DLC1: variants seen among roughly 807,000 people sequenced by gnomAD.
The protein encoded by DLC1 is DLC1 Rho GTPase activating protein, also known as rho GTPase-activating protein 7.
In DLC1, 54 loss-of-function variants were observed where a neutral mutation model predicts 140.3. The ratio of observed to expected loss-of-function variants is 0.38; its 90% confidence interval spans 0.31 to 0.48. The LOEUF (loss-of-function observed/expected upper bound fraction) is 0.48. Among genes scored for constraint, DLC1 ranks in the 20% least tolerant of loss-of-function variants. DLC1 has a pLI of 0.96. For synonymous variants in DLC1, 986 were observed against 728.1 expected (o/e 1.35, Z -5.70); for missense variants, 2,536 against 1,907.0 (o/e 1.33, Z -6.14).
At chr8:13,488,553 T>C (rs531086643) in intron 2 of DLC1, among the ~76,000 whole-genome samples, 2 of 152,270 alleles carry the variant, frequency 1.3e-5, no homozygotes, top group African/African-American at 4.8e-5. Context: ...CTTTCCCTCA[T>C]TTATTCCCAC....
intron 5 of DLC1, among the ~76,000 whole-genome samples, chr8:13,137,118 C>G (rs1227336232): frequency 1.3e-5 from 2 of 152,228 alleles, no homozygotes; most frequent in South Asian, 2.1e-4. Context: ...ATCTGAGGAA[C>G]CTTTACAAGC....
intron 5 of DLC1, among the ~76,000 whole-genome samples, chr8:13,254,583 T>G (rs1283811825): frequency 6.6e-6 from 1 of 152,142 alleles, no homozygotes; most frequent in Admixed American, 6.5e-5. Context: ...CTTTGATGAC[T>G]GAAATAAAAA....
intron 5 of DLC1, chr8:13,276,198 G>T (rs1282300227): frequency 1.3e-6 from 2 of 1,521,306 alleles, no homozygotes; most frequent in African/African-American, 2.8e-5. Context: ...CTGCGTCTTC[G>T]CAGTAAATTG....
At chr8:13,488,389 G>C (rs757568724) in intron 2 of DLC1, among the ~76,000 whole-genome samples, 1 of 152,034 alleles carries the variant, frequency 6.6e-6, no homozygotes, top group African/African-American at 2.4e-5. Flanking sequence ...CTATAAATTA[G>C]CTATAAAGCC....
rs5889435 is a variant in DLC1 at position 13,332,434 on chromosome 8, C to CT, written c.1315-27133dup. On this transcript the variant is annotated intron_variant, in intron 4 of 17. Transcript: ENST00000276297. ...TCACTATTGACTGATTTTCTTTTGT[C>CT]TTTTTTTTTTTTTTAAGATGGGGTC... 7.2e-3 allele frequency among the ~76,000 whole-genome samples: 1,065 copies of CT among 147,994 alleles called. 6 individuals are homozygous for CT. The highest frequency in any genetic ancestry group is 0.013 in the African/African-American group (544 of 40,322).
rs548374370 is a variant in DLC1 at position 13,128,053 on chromosome 8, C to A, written c.1349-12396G>T. On this transcript the variant is annotated intron_variant, in intron 5 of 17. Coordinates refer to ENST00000276297, the MANE Select transcript of DLC1 (RefSeq NM_182643.3). ...AAGTCTAGTAGAACAAAAAAAAAAACCCCAAAAAAACAACAACCAAAAAAC... is the reference window on the plus strand; with the variant it reads ...AAGTCTAGTAGAACAAAAAAAAAAAACCCAAAAAAACAACAACCAAAAAAC... Among the ~76,000 whole-genome samples the A allele has an allele frequency of 6.2e-3, 931 of 150,874 alleles. 6 individuals are homozygous for A. Among genetic ancestry groups the A allele is most frequent in the Middle Eastern group, 0.044 (13 of 294 alleles).
rs375157945 is a variant in DLC1, at chr8:13,582,588, C to G, written c.-126+21949G>C. Among the ~76,000 whole-genome samples the G allele has an allele frequency of 1.1e-4, 17 of 152,132 alleles. No individual in the cohort carries two copies. The East Asian group carries it at 2.5e-3, about 23-fold the overall frequency. On this transcript the variant is annotated intron_variant, in intron 1 of 1. Transcript: ENST00000631382. ...CTTGAACATCAGACTCAAAGTTCAT[C>G]AATTTTAGAACTCGAACTGCTTCTC...
rs774493840 is a variant in DLC1, at chr8:13,085,809, G to C, written c.*2C>G. 8.7e-6 allele frequency: 14 copies of C among 1,613,970 alleles called. No individual in the cohort carries two copies. Among genetic ancestry groups the C allele is most frequent in the Admixed American group, 1.7e-5 (1 of 60,000 alleles). On this transcript the variant is annotated 3_prime_UTR_variant, in exon 18 of 18. Coordinates refer to ENST00000276297, the MANE Select transcript of DLC1 (RefSeq NM_182643.3). ...GTGGAAGCGGTTGCGTTGCTTCAGT[G>C]ATCACCTAGATTTGGTGTCTTTGGT...
chr8:13,583,948 C>T (rs1312313308), intron 1 of DLC1: 1 of 152,276 alleles, frequency 6.6e-6, no homozygotes, highest in East Asian at 1.9e-4. Context: ...CATGGTCACT[C>T]ACAGGGTCCA....
intron 5 of DLC1, among the ~76,000 whole-genome samples, chr8:13,135,562 C>T (rs62493038): frequency 0.021 from 3,175 of 148,910 alleles, 57 homozygotes; most frequent in Middle Eastern, 0.05. Flanking sequence ...GTGTAATATT[C>T]AAACTTAAAA....
At chr8:13,170,526 C>G (rs543946888) in intron 5 of DLC1, among the ~76,000 whole-genome samples, 89 of 152,150 alleles carry the variant, frequency 5.8e-4, no homozygotes, top group Middle Eastern at 3.4e-3. Flanking sequence ...GTCAGGAAAT[C>G]GAGACCATCC....
intron 5 of DLC1, among the ~76,000 whole-genome samples, chr8:13,277,410 G>T (rs1332180097): frequency 1.3e-5 from 2 of 152,180 alleles, no homozygotes; most frequent in Non-Finnish European, 2.9e-5. Flanking sequence ...ACTTACAGTG[G>T]TTTAATCAAG....
rs1456657893 is a variant in DLC1, at chr8:13,579,287, C to T, written c.-126+25250G>A. The stretch of plus-strand genomic sequence containing the variant: ...ATATATATGCACATATCTACCTGGA[C>T]TTAAAGTCAGATACCACAGGTCTGA... On this transcript the variant is annotated intron_variant, in intron 1 of 1. Coordinates refer to the DLC1 transcript ENST00000631382. Among the ~76,000 whole-genome samples, 2 of 37,846 alleles carry T rather than the reference C, an allele frequency of 5.3e-5. 1 individual carries two copies. Among genetic ancestry groups the T allele is most frequent in the African/African-American group, 1.8e-4 (2 of 10,996 alleles). The allele number at this position is 37,846 out of a possible 152,430, so 24.8% of individuals were successfully genotyped here.
intron 1 of DLC1, among the ~76,000 whole-genome samples, chr8:13,590,663 C>G (rs1805487633): frequency 6.6e-6 from 1 of 152,016 alleles, no homozygotes. Flanking sequence ...TCAGAGTGGG[C>G]TCTGTATTTG....
At chr8:13,116,489 C>G (rs1173286401) in intron 5 of DLC1, among the ~76,000 whole-genome samples, 1 of 152,188 alleles carries the variant, frequency 6.6e-6, no homozygotes, top group Non-Finnish European at 1.5e-5. Context: ...CCACCTTCCT[C>G]AGGCCATGAG....
intron 5 of DLC1, among the ~76,000 whole-genome samples, chr8:13,166,790 C>G (rs910135190): frequency 6.6e-6 from 1 of 152,178 alleles, no homozygotes. Flanking sequence ...AATCCCAGTT[C>G]ATACTAAGTG....
chr8:13,535,559 C>A (rs991772073), intron 1 of DLC1, among the ~76,000 whole-genome samples: 3 of 150,410 alleles, frequency 2.0e-5, no homozygotes, highest in Non-Finnish European at 4.4e-5. Flanking sequence ...TTATTCTCTT[C>A]ATAAAGTGAG....
At chr8:13,133,255 G>A (rs1446134851) in intron 5 of DLC1, 14 of 1,359,948 alleles carry the variant, frequency 1.0e-5, no homozygotes, top group Admixed American at 3.6e-5. Flanking sequence ...CTGGCTGGGA[G>A]CGAAGCGCCC....
chr8:13,346,693 C>A (rs1468154532), intron 4 of DLC1, among the ~76,000 whole-genome samples: 2 of 152,182 alleles, frequency 1.3e-5, no homozygotes, highest in East Asian at 3.9e-4. Context: ...TGACAGAGGG[C>A]TGGAGTGGGC....
Sources: gnomAD v4.1 joint callset for allele counts (sites outside exome capture counted in the v4.1 genomes callset) on GRCh38, gnomAD v4.1.1 for gene constraint, MANE v1.5 for transcripts, NCBI Gene and HGNC (gene_info 2026-07-23, HGNC 2026-07-21) for gene names.